PID1: variants seen among roughly 807,000 people sequenced by gnomAD.
PID1 encodes the protein phosphotyrosine interaction domain containing 1.
Under a neutral mutation model 19.1 loss-of-function variants are expected in PID1, and 10 were observed. The ratio of observed to expected loss-of-function variants is 0.52; its 90% confidence interval spans 0.32 to 0.89. PID1 has a LOEUF of 0.89. Among genes scored for constraint, PID1 ranks in the 40% least tolerant of loss-of-function variants. PID1 has a pLI of 0.03. For synonymous variants in PID1, 130 were observed against 116.0 expected (o/e 1.12, Z -0.78); for missense variants, 248 against 285.3 (o/e 0.87, Z 0.94).
chr2:229,269,131 T>G (rs1690669261), intron 1 of PID1, among the ~76,000 whole-genome samples: 1 of 150,696 alleles, frequency 6.6e-6, no homozygotes, highest in Non-Finnish European at 1.5e-5. Context: ...AGCCCCCTGT[T>G]GGTAAGGACC....
intron 2 of PID1, among the ~76,000 whole-genome samples, chr2:229,081,319 C>T (rs556119318): frequency 1.3e-5 from 2 of 152,320 alleles, no homozygotes; most frequent in South Asian, 4.1e-4. Flanking sequence ...GAAGCTTGGA[C>T]TCTTGCAGGG....
chr2:229,046,767 G>A (rs898216358), intron 2 of PID1, among the ~76,000 whole-genome samples: 1 of 152,042 alleles, frequency 6.6e-6, no homozygotes, highest in African/African-American at 2.4e-5. Context: ...TTAGATTTTG[G>A]TTTAGACAAA....
At chr2:229,087,996 C>G (rs1277400018) in intron 2 of PID1, among the ~76,000 whole-genome samples, 1 of 152,130 alleles carries the variant, frequency 6.6e-6, no homozygotes, top group Non-Finnish European at 1.5e-5. Context: ...AACACCTGCA[C>G]TCTGCAGAAA....
intron 1 of PID1, among the ~76,000 whole-genome samples, chr2:229,210,762 A>G (rs1285587936): frequency 6.6e-6 from 1 of 152,152 alleles, no homozygotes; most frequent in Non-Finnish European, 1.5e-5. Context: ...AGTTCAGGAA[A>G]AAAGCTCCAT....
intron 2 of PID1, among the ~76,000 whole-genome samples, chr2:229,149,496 C>G (rs372037295): frequency 6.6e-6 from 1 of 152,100 alleles, no homozygotes; most frequent in Admixed American, 6.5e-5. Context: ...TTAAGGGTTA[C>G]CTGCAAAGTC....
chr2:229,047,196 C>G (rs981337382), intron 2 of PID1, among the ~76,000 whole-genome samples: 5 of 152,190 alleles, frequency 3.3e-5, no homozygotes, highest in African/African-American at 1.2e-4. Flanking sequence ...GATACAGACC[C>G]TGCTGTCAAC....
chr2:229,040,273 T>A (rs1238842049), intron 2 of PID1, among the ~76,000 whole-genome samples: 1 of 151,452 alleles, frequency 6.6e-6, no homozygotes, highest in East Asian at 1.9e-4. Flanking sequence ...ACAAAAAAAA[T>A]CGCGGCACTG....
At chr2:229,246,578 T>C (rs56179221) in intron 1 of PID1, among the ~76,000 whole-genome samples, 21,732 of 152,090 alleles carry the variant, frequency 0.14, 1,752 homozygotes, top group South Asian at 0.19. Flanking sequence ...TGCCGCAAAC[T>C]TTAGTGGCAA....
intron 1 of PID1, among the ~76,000 whole-genome samples, chr2:229,210,421 G>C (rs1394184230): frequency 2.0e-5 from 3 of 147,604 alleles, no homozygotes; most frequent in Non-Finnish European, 4.5e-5. Flanking sequence ...AGTGAGGCAG[G>C]CAGCAGAATG....
At chr2:229,122,809 G>A (rs1199770914) in intron 2 of PID1, among the ~76,000 whole-genome samples, 1 of 152,102 alleles carries the variant, frequency 6.6e-6, no homozygotes, top group Non-Finnish European at 1.5e-5. Flanking sequence ...TAGGTGGTGT[G>A]GAATGGAGGC....
intron 1 of PID1, among the ~76,000 whole-genome samples, chr2:229,194,224 A>G (rs539213298): frequency 6.6e-6 from 1 of 152,244 alleles, no homozygotes; most frequent in East Asian, 1.9e-4. Context: ...ATGCACAGTT[A>G]AAAAACCCCA....
intron 1 of PID1, among the ~76,000 whole-genome samples, chr2:229,266,222 T>C (rs1369554779): frequency 1.3e-5 from 2 of 152,152 alleles, no homozygotes; most frequent in Non-Finnish European, 2.9e-5. Context: ...GTTGCTTTTT[T>C]CTAAGCAACC....
intron 2 of PID1, among the ~76,000 whole-genome samples, chr2:229,147,007 A>C (rs1173781423): frequency 6.6e-6 from 1 of 152,182 alleles, no homozygotes; most frequent in Non-Finnish European, 1.5e-5. Flanking sequence ...TCTATGAGAG[A>C]GTAAATTTCT....
intron 1 of PID1, among the ~76,000 whole-genome samples, chr2:229,173,048 C>A (rs1359497935): frequency 6.6e-6 from 1 of 152,072 alleles, no homozygotes; most frequent in African/African-American, 2.4e-5. Flanking sequence ...TTTGAAGGGG[C>A]TCAGAAGACA....
chr2:229,151,037 G>C (rs778101148), intron 2 of PID1, among the ~76,000 whole-genome samples: 1 of 152,024 alleles, frequency 6.6e-6, no homozygotes, highest in Non-Finnish European at 1.5e-5. Context: ...GAGCAGGATG[G>C]GATGGTAGGC....
rs575875732 is a variant in PID1 at position 229,193,587 on chromosome 2, T to C, written c.31-37623A>G. Among the ~76,000 whole-genome samples, 311 of 152,268 alleles carry C rather than the reference T, an allele frequency of 2.0e-3. 4 individuals carry two copies. The highest frequency in any genetic ancestry group is 7.0e-3 in the African/African-American group (290 of 41,556). ...CATGTAAAGACAAAGGACAATATTG[T>C]TGTTCTTGTGAGTCAAGTCCCTAAG... On this transcript the variant is annotated intron_variant, in intron 1 of 2. Transcript: ENST00000392055.
intron 2 of PID1, among the ~76,000 whole-genome samples, chr2:229,068,609 T>C (rs558072471): frequency 1.3e-5 from 2 of 152,312 alleles, no homozygotes; most frequent in African/African-American, 2.4e-5. Flanking sequence ...GAAAGCTTAG[T>C]TGGAGAGCCT....
At chr2:229,108,714 G>C (rs1213425039) in intron 2 of PID1, among the ~76,000 whole-genome samples, 1 of 152,208 alleles carries the variant, frequency 6.6e-6, no homozygotes. Flanking sequence ...GAGTCAGAGA[G>C]GGATGGCAAG....
chr2:229,048,652 G>A (rs996532189), intron 2 of PID1, among the ~76,000 whole-genome samples: 4 of 152,176 alleles, frequency 2.6e-5, no homozygotes, highest in African/African-American at 7.2e-5. Flanking sequence ...AAGTCAAAAG[G>A]AAGGGCAGAC....
Sources: allele counts gnomAD v4.1 joint callset (sites outside exome capture counted in the v4.1 genomes callset), GRCh38; gene constraint gnomAD v4.1.1; transcripts MANE v1.5; gene names NCBI Gene and HGNC (gene_info 2026-07-23, HGNC 2026-07-21).